Variants in PCNX2 observed in about 807,000 individuals in gnomAD.
PCNX2 encodes pecanex-like protein 2.
A neutral mutation model predicts 223.8 loss-of-function variants in PCNX2; 168 were observed. That is an observed-to-expected ratio of 0.75 (90% CI 0.66 to 0.85). The LOEUF (loss-of-function observed/expected upper bound fraction) is 0.85, where lower values mean the gene tolerates loss of function less well. Ranked by LOEUF, PCNX2 falls within the 40% of genes least tolerant of loss-of-function variation. PCNX2 has a pLI of 0.00. For missense variants in PCNX2, 2,507 were observed against 2,675.5 expected, an observed-to-expected ratio of 0.94 and a Z score of 1.39; for synonymous variants, 1,006 against 1,052.6, an observed-to-expected ratio of 0.96 and a Z score of 0.86.
chr1:233,050,904 T>C (rs1028595835), intron 25 of PCNX2, among the ~76,000 whole-genome samples: 2 of 152,046 alleles, frequency 1.3e-5, no homozygotes, highest in Non-Finnish European at 2.9e-5. Flanking sequence ...GAATGGGAGA[T>C]AATATTCCCA....
chr1:233,320,188 C>A, the PCNX2 span, among the ~76,000 whole-genome samples: 3 of 152,002 alleles, frequency 2.0e-5, no homozygotes, highest in Non-Finnish European at 2.9e-5. Context: ...ACAGAGGAAT[C>A]CTAAAACCTT....
chr1:233,042,182 C>T (rs1296420293), intron 25 of PCNX2, among the ~76,000 whole-genome samples: 6 of 152,158 alleles, frequency 3.9e-5, no homozygotes, highest in Non-Finnish European at 7.3e-5. Flanking sequence ...TCATTCTTCC[C>T]CATTCCATCT....
intron 7 of PCNX2, among the ~76,000 whole-genome samples, chr1:233,251,795 A>C (rs1312420068): frequency 6.6e-6 from 1 of 152,238 alleles, no homozygotes; most frequent in Admixed American, 6.5e-5. Flanking sequence ...CATCCCAGAA[A>C]AACTAGGACC....
upstream of PCNX2, among the ~76,000 whole-genome samples, chr1:233,299,915 A>G (rs1662232988): frequency 6.6e-6 from 1 of 152,186 alleles, no homozygotes; most frequent in South Asian, 2.1e-4. Context: ...TCTTTCCATC[A>G]CATTCAGAAA....
chr1:233,252,873 A>G, intron 5 of PCNX2, 85 bp from the exon 6 acceptor site: 3 of 1,334,430 alleles, frequency 2.2e-6, no homozygotes, highest in Non-Finnish European at 2.0e-6. Context: ...AAACTGAAAC[A>G]AGAATAGAAA....
chr1:233,124,612 T>C (rs1001550226), intron 21 of PCNX2, among the ~76,000 whole-genome samples: 1 of 152,250 alleles, frequency 6.6e-6, no homozygotes. Flanking sequence ...CTAAGATTAA[T>C]GGCACCAGAG....
chr1:233,270,523 A>G lies in PCNX2; in HGVS notation c.154-7360T>C, dbSNP rs533891374. On this transcript the variant is annotated intron_variant, in intron 1 of 33. Transcript: ENST00000258229. Reference sequence around the variant, plus strand: ...GGTCTCCATGCAGCTCCCCTTAGATATAGGCCCCCCTTGCAAATACCTGTT... The same window carrying G: ...GGTCTCCATGCAGCTCCCCTTAGATGTAGGCCCCCCTTGCAAATACCTGTT... Among the ~76,000 whole-genome samples, 7 of 152,278 alleles carry G rather than the reference A, an allele frequency of 4.6e-5. No homozygotes were observed. The East Asian group carries it at 9.7e-4, about 21-fold the overall frequency.
chr1:233,220,306 A>C (rs2102933621), intron 10 of PCNX2, among the ~76,000 whole-genome samples: 1 of 152,358 alleles, frequency 6.6e-6, no homozygotes, highest in South Asian at 2.1e-4. Context: ...ACCAAGGAGC[A>C]TGATTGTTAG....
At chr1:233,160,588 T>A in intron 18 of PCNX2, 155 bp from the exon 19 acceptor site, 2 of 431,204 alleles carry the variant, frequency 4.6e-6, no homozygotes, top group Non-Finnish European at 6.2e-6. Flanking sequence ...ATGTCTTCTC[T>A]ATACCATGAA....
At chr1:233,220,685 C>T (rs766286707) in intron 10 of PCNX2, among the ~76,000 whole-genome samples, 1 of 151,870 alleles carries the variant, frequency 6.6e-6, no homozygotes, top group African/African-American at 2.4e-5. Flanking sequence ...GACAATCCTT[C>T]GTTTTTTAAA....
intron 21 of PCNX2, among the ~76,000 whole-genome samples, chr1:233,132,987 C>T (rs142329206): frequency 6.6e-6 from 1 of 151,428 alleles, no homozygotes; most frequent in South Asian, 2.1e-4. Context: ...CAACCTCCAC[C>T]TCCTGGGTTC....
At chr1:233,101,669 C>T (rs2102959192) in intron 21 of PCNX2, among the ~76,000 whole-genome samples, 1 of 152,202 alleles carries the variant, frequency 6.6e-6, no homozygotes, top group African/African-American at 2.4e-5. Context: ...GGGGGCACTC[C>T]CCCAGCCCCT....
At chr1:233,217,568 C>T (rs972506503) in intron 12 of PCNX2, among the ~76,000 whole-genome samples, 1 of 152,112 alleles carries the variant, frequency 6.6e-6, no homozygotes, top group African/African-American at 2.4e-5. Flanking sequence ...GGAATCAGGA[C>T]ACAAAGACAG....
intron 2 of PCNX2, among the ~76,000 whole-genome samples, 162 bp from the exon 3 acceptor site, chr1:233,262,327 T>C (rs886179149): frequency 6.6e-6 from 1 of 152,148 alleles, no homozygotes; most frequent in Non-Finnish European, 1.5e-5. Context: ...GGCTTCGCTC[T>C]GTCTGGGTAG....
At chr1:233,150,277 T>C (rs561007731) in intron 19 of PCNX2, among the ~76,000 whole-genome samples, 1 of 152,296 alleles carries the variant, frequency 6.6e-6, no homozygotes, top group Non-Finnish European at 1.5e-5. Context: ...CTGCTTCTTT[T>C]GGAGGGTACT....
At chr1:233,284,137 A>G (rs1436488950) in intron 1 of PCNX2, among the ~76,000 whole-genome samples, 1 of 152,000 alleles carries the variant, frequency 6.6e-6, no homozygotes, top group Non-Finnish European at 1.5e-5. Context: ...AAAACCAAAA[A>G]CCCCAGCTCT....
At chr1:233,216,445 T>C (rs193245542) in intron 12 of PCNX2, among the ~76,000 whole-genome samples, 1 of 152,272 alleles carries the variant, frequency 6.6e-6, no homozygotes, top group East Asian at 1.9e-4. Context: ...TAGCTTCATG[T>C]AAAAAGAATA....
intron 1 of PCNX2, 116 bp from the exon 2 acceptor site, chr1:233,263,279 T>G: frequency 7.9e-6 from 7 of 890,842 alleles, no homozygotes; most frequent in Non-Finnish European, 8.0e-6. Context: ...GATTTCAAAT[T>G]AGACTAATTT....
chr1:233,200,308 T>C, intron 13 of PCNX2, 44 bp from the exon 14 acceptor site: 1 of 1,410,862 alleles, frequency 7.1e-7, no homozygotes, highest in Middle Eastern at 1.8e-4. Flanking sequence ...TGGGGAACTG[T>C]GTTGCCAAGG....
Sources: gnomAD v4.1 joint callset for allele counts (sites outside exome capture counted in the v4.1 genomes callset) on GRCh38, gnomAD v4.1.1 for gene constraint, MANE v1.5 for transcripts, NCBI Gene and HGNC (gene_info 2026-07-23, HGNC 2026-07-21) for gene names.